Variants in TRERF1 observed in about 807,000 individuals in gnomAD.
TRERF1 encodes the protein transcriptional-regulating factor 1.
TRERF1 carries 27 observed loss-of-function variants against 122.9 expected under a neutral mutation model. The observed-to-expected ratio is 0.22, with a 90% confidence interval of 0.16 to 0.30. The LOEUF is 0.30. Ranked by LOEUF, TRERF1 falls within the 10% of genes least tolerant of loss-of-function variation. The pLI, the probability that TRERF1 is intolerant of heterozygous loss-of-function variation, is 1.00. For missense variants in TRERF1, 1,248 were observed against 1,560.3 expected, an observed-to-expected ratio of 0.80 and a Z score of 3.37; for synonymous variants, 636 against 641.7, an observed-to-expected ratio of 0.99 and a Z score of 0.13.
chr6:42,247,747 T>A (rs1775059408), intron 13 of TRERF1, among the ~76,000 whole-genome samples: 1 of 152,198 alleles, frequency 6.6e-6, no homozygotes, highest in Admixed American at 6.5e-5. Context: ...CTAAGGGGAC[T>A]CCTATTTCTG....
At chr6:42,382,014 A>G (rs1196557398) in intron 2 of TRERF1, among the ~76,000 whole-genome samples, 2 of 151,940 alleles carry the variant, frequency 1.3e-5, no homozygotes, top group African/African-American at 4.8e-5. Context: ...TACTCAGTTA[A>G]TCCTCATTAC....
intron 3 of TRERF1, among the ~76,000 whole-genome samples, chr6:42,304,536 C>T (rs555746802): frequency 1.3e-5 from 2 of 152,320 alleles, no homozygotes; most frequent in Non-Finnish European, 2.9e-5. Flanking sequence ...ATTTCCCAGC[C>T]GGTGCTGACG....
chr6:42,253,944 C>G (rs1328586863), intron 13 of TRERF1, among the ~76,000 whole-genome samples: 1 of 152,228 alleles, frequency 6.6e-6, no homozygotes, highest in Admixed American at 6.5e-5. Flanking sequence ...TCAAGAGGCA[C>G]TGAAAATTCA....
At chr6:42,318,117 A>G (rs1762807926) in intron 3 of TRERF1, among the ~76,000 whole-genome samples, 1 of 151,820 alleles carries the variant, frequency 6.6e-6, no homozygotes, top group Admixed American at 6.6e-5. Flanking sequence ...TCACCCCACT[A>G]CACTCTAGTC....
intron 2 of TRERF1, among the ~76,000 whole-genome samples, chr6:42,433,053 G>A (rs144411600): frequency 2.0e-5 from 3 of 152,194 alleles, no homozygotes; most frequent in African/African-American, 7.2e-5. Flanking sequence ...TTGAAGGTGT[G>A]GAAATACAAC....
chr6:42,279,364 T>C (rs534259215), intron 4 of TRERF1, among the ~76,000 whole-genome samples: 1 of 152,256 alleles, frequency 6.6e-6, no homozygotes, highest in Admixed American at 6.5e-5. Flanking sequence ...AAAGGATCCC[T>C]GGCCCTGCAG....
intron 2 of TRERF1, among the ~76,000 whole-genome samples, chr6:42,441,294 G>T (rs943062086): frequency 6.6e-6 from 1 of 152,108 alleles, no homozygotes; most frequent in Non-Finnish European, 1.5e-5. Flanking sequence ...ACATCACCCC[G>T]CCTCTATCAG....
At chr6:42,421,220 A>G (rs1282719981) in intron 2 of TRERF1, among the ~76,000 whole-genome samples, 2 of 152,258 alleles carry the variant, frequency 1.3e-5, no homozygotes, top group African/African-American at 4.8e-5. Flanking sequence ...ATAGTAGTCT[A>G]AGTGATCAAT....
chr6:42,440,522 T>C (rs1056040063), intron 2 of TRERF1, among the ~76,000 whole-genome samples: 2 of 152,170 alleles, frequency 1.3e-5, no homozygotes, highest in African/African-American at 2.4e-5. Context: ...TTTCTATAAA[T>C]AGCAGTTACT....
intron 2 of TRERF1, among the ~76,000 whole-genome samples, chr6:42,416,065 G>A (rs1263229147): frequency 2.6e-5 from 4 of 151,976 alleles, no homozygotes; most frequent in Non-Finnish European, 5.9e-5. Context: ...CTCTTCTGTT[G>A]CTTATACAAG....
chr6:42,255,996 T>C (rs1776672645), intron 12 of TRERF1, among the ~76,000 whole-genome samples: 1 of 151,874 alleles, frequency 6.6e-6, no homozygotes, highest in South Asian at 2.1e-4. Flanking sequence ...CCAGGCATGG[T>C]GGCATGCACC....
chr6:42,376,520 G>A (rs1774897088), intron 2 of TRERF1, among the ~76,000 whole-genome samples: 1 of 148,006 alleles, frequency 6.8e-6, no homozygotes, highest in Non-Finnish European at 1.5e-5. Context: ...AAACCTTCAT[G>A]ACTTTTCGTC....
intron 3 of TRERF1, among the ~76,000 whole-genome samples, chr6:42,354,690 T>A (rs1465675408): frequency 6.6e-6 from 1 of 152,206 alleles, no homozygotes; most frequent in East Asian, 1.9e-4. Flanking sequence ...TTCTGAACTA[T>A]CCTAGTTCAC....
chr6:42,347,834 C>G (rs1249765826), intron 3 of TRERF1, among the ~76,000 whole-genome samples: 1 of 152,208 alleles, frequency 6.6e-6, no homozygotes, highest in African/African-American at 2.4e-5. Flanking sequence ...AGCAACAGAG[C>G]TGGACAAAGT....
intron 3 of TRERF1, among the ~76,000 whole-genome samples, chr6:42,336,769 A>T (rs1206385124): frequency 6.6e-6 from 1 of 152,160 alleles, no homozygotes; most frequent in Non-Finnish European, 1.5e-5. Context: ...CTTGGGTCAA[A>T]TTCTAGCTCT....
At chr6:42,277,506 G>A (rs1781361536) in intron 4 of TRERF1, among the ~76,000 whole-genome samples, 1 of 152,162 alleles carries the variant, frequency 6.6e-6, no homozygotes, top group South Asian at 2.1e-4. Flanking sequence ...TAGGATTGTA[G>A]GGAGATTAGG....
At chr6:42,387,030 TC>T (rs946762558) in intron 2 of TRERF1, among the ~76,000 whole-genome samples, 2 of 152,120 alleles carry the variant, frequency 1.3e-5, no homozygotes, top group Non-Finnish European at 2.9e-5. Context: ...TTGCCAAATG[TC>T]CCCTGAAGGC....
chr6:42,236,342 T>C (rs1366392562), exon 16 of TRERF1: 60 of 1,588,656 alleles, frequency 3.8e-5, no homozygotes, highest in Non-Finnish European at 4.9e-5. Context: ...TCTTCTTCTT[T>C]TGTGGATTTC....
Position 42,246,567 on chromosome 6 carries a change from T to G in TRERF1, c.2657-23A>C, listed in dbSNP as rs749962758. On this transcript the variant is annotated intron_variant, in intron 13 of 17. Coordinates refer to ENST00000372922, the Ensembl canonical transcript of TRERF1. ...AACCTACAACAAAACACAAACATCA[T>G]AAGAACAGCTCACAGTTCCCCCTGC... 1.7e-5 allele frequency: 27 copies of G among 1,553,036 alleles called. 1 individual carries two copies. In the South Asian group the frequency reaches 2.8e-4, roughly 16 times the overall value.
Sources: gnomAD v4.1 joint callset for allele counts (sites outside exome capture counted in the v4.1 genomes callset) on GRCh38, gnomAD v4.1.1 for gene constraint, MANE v1.5 for transcripts, NCBI Gene and HGNC (gene_info 2026-07-23, HGNC 2026-07-21) for gene names.